The following FGF12 variants were observed in gnomAD, a reference collection of about 807,000 sequenced individuals.
The protein encoded by FGF12 is fibroblast growth factor 12B.
Under a neutral mutation model 23.6 loss-of-function variants are expected in FGF12, and 14 were observed. The observed-to-expected ratio is 0.59, with a 90% confidence interval of 0.39 to 0.93. FGF12 has a LOEUF of 0.93. FGF12 is among the 40% of genes least tolerant of loss of function. The probability of loss-of-function intolerance (pLI) is 0.00; values close to 1 mark genes in which losing one functional copy is unlikely to be tolerated. For synonymous variants in FGF12, 62 were observed against 77.3 expected (o/e 0.80, Z 1.04); for missense variants, 175 against 217.8 (o/e 0.80, Z 1.24).
chr3:192,452,094 G>T (rs906201405), intron 2 of FGF12, among the ~76,000 whole-genome samples: 1 of 152,090 alleles, frequency 6.6e-6, no homozygotes, highest in Non-Finnish European at 1.5e-5. Context: ...TAGCAGAAAA[G>T]CATCGATATT....
At chr3:192,430,801 T>A (rs999967311) in intron 2 of FGF12, among the ~76,000 whole-genome samples, 1 of 152,090 alleles carries the variant, frequency 6.6e-6, no homozygotes, top group African/African-American at 2.4e-5. Flanking sequence ...TGACCACAGG[T>A]AAGGAAAGAC....
intron 2 of FGF12, among the ~76,000 whole-genome samples, chr3:192,684,773 T>A (rs1327120968): frequency 6.6e-6 from 1 of 152,210 alleles, no homozygotes; most frequent in Non-Finnish European, 1.5e-5. Context: ...TTTTTCTTTA[T>A]CCATTCAATA....
At chr3:192,504,330 T>C (rs1156400198) in intron 2 of FGF12, among the ~76,000 whole-genome samples, 1 of 152,146 alleles carries the variant, frequency 6.6e-6, no homozygotes, top group East Asian at 1.9e-4. Flanking sequence ...CATGTACCCC[T>C]GAACCTAAAA....
chr3:192,372,420 C>CACACAG (rs1289572135), intron 2 of FGF12, among the ~76,000 whole-genome samples: 2 of 150,038 alleles, frequency 1.3e-5, no homozygotes, highest in African/African-American at 5.0e-5. Flanking sequence ...CACACACACA[C>CACACAG]AATGCTTTGC....
chr3:192,323,544 T>C (rs1336032312), intron 4 of FGF12, among the ~76,000 whole-genome samples: 1 of 152,116 alleles, frequency 6.6e-6, no homozygotes, highest in South Asian at 2.1e-4. Context: ...AGTAGAATGA[T>C]GCTTACCAGA....
intron 2 of FGF12, among the ~76,000 whole-genome samples, chr3:192,487,451 C>CACTAA (rs1453998709): frequency 6.6e-6 from 1 of 152,100 alleles, no homozygotes; most frequent in Non-Finnish European, 1.5e-5. Flanking sequence ...TCATCCAAGC[C>CACTAA]TAGTGCTTAG....
chr3:192,214,122 C>A (rs149201741), intron 4 of FGF12, among the ~76,000 whole-genome samples: 4 of 152,312 alleles, frequency 2.6e-5, no homozygotes, highest in African/African-American at 7.2e-5. Flanking sequence ...TCGACAGAGA[C>A]GGGAACTGTA....
At chr3:192,485,294 C>T (rs1723603106) in intron 2 of FGF12, among the ~76,000 whole-genome samples, 1 of 152,116 alleles carries the variant, frequency 6.6e-6, no homozygotes. Context: ...ATATGTTTCA[C>T]TCCAATAAAG....
chr3:192,674,387 T>G (rs1717246954), intron 2 of FGF12, among the ~76,000 whole-genome samples: 1 of 152,170 alleles, frequency 6.6e-6, no homozygotes, highest in Admixed American at 6.5e-5. Flanking sequence ...ACTTATTATA[T>G]TCAGTAAACT....
intron 2 of FGF12, among the ~76,000 whole-genome samples, chr3:192,518,185 T>A (rs1215589871): frequency 2.0e-5 from 3 of 152,186 alleles, no homozygotes; most frequent in Non-Finnish European, 4.4e-5. Flanking sequence ...TGGGATTTTT[T>A]AAAGTTAGCC....
intron 2 of FGF12, among the ~76,000 whole-genome samples, chr3:192,386,909 TTA>T (rs1356390678): frequency 9.8e-5 from 15 of 152,328 alleles, no homozygotes; most frequent in Non-Finnish European, 2.2e-4. Flanking sequence ...GCTAGTGCCT[TTA>T]TATACTTTAT....
chr3:192,614,950 C>T (rs1425783003), intron 2 of FGF12, among the ~76,000 whole-genome samples: 4 of 151,906 alleles, frequency 2.6e-5, no homozygotes, highest in African/African-American at 9.7e-5. Flanking sequence ...CATTATATCA[C>T]TCTCTAAGAA....
intron 4 of FGF12, among the ~76,000 whole-genome samples, chr3:192,213,253 G>C (rs1034013337): frequency 1.3e-5 from 2 of 152,140 alleles, no homozygotes; most frequent in African/African-American, 4.8e-5. Flanking sequence ...TTGGTTATCT[G>C]AAAGCGTCTC....
At chr3:192,607,367 G>T (rs1288305827) in intron 2 of FGF12, among the ~76,000 whole-genome samples, 2 of 152,160 alleles carry the variant, frequency 1.3e-5, no homozygotes, top group Non-Finnish European at 2.9e-5. Flanking sequence ...TTGAGGCCTG[G>T]CATAAGGAAG....
chr3:192,576,915 G>A (rs1299323415), intron 2 of FGF12, among the ~76,000 whole-genome samples: 3 of 152,292 alleles, frequency 2.0e-5, no homozygotes, highest in East Asian at 1.9e-4. Flanking sequence ...AGGGACAGGG[G>A]ATGAAGCTGG....
intron 2 of FGF12, among the ~76,000 whole-genome samples, chr3:192,583,343 T>C (rs1006024066): frequency 3.3e-5 from 5 of 152,246 alleles, no homozygotes; most frequent in Non-Finnish European, 5.9e-5. Context: ...CAAAATAGTT[T>C]ATACTTTTCA....
intron 4 of FGF12, among the ~76,000 whole-genome samples, chr3:192,288,255 T>A (rs1045142128): frequency 2.0e-5 from 3 of 152,016 alleles, no homozygotes; most frequent in Non-Finnish European, 4.4e-5. Flanking sequence ...GAAAAATAAA[T>A]TCACAGCAGG....
intron 4 of FGF12, among the ~76,000 whole-genome samples, chr3:192,269,118 T>C (rs990036394): frequency 1.3e-5 from 2 of 151,414 alleles, no homozygotes; most frequent in African/African-American, 4.9e-5. Flanking sequence ...TTTCACCATG[T>C]TGGCCAGGCT....
intron 2 of FGF12, among the ~76,000 whole-genome samples, chr3:192,584,253 C>A (rs1713280742): frequency 6.6e-6 from 1 of 152,094 alleles, no homozygotes. Context: ...TCTATACTTG[C>A]AAGTATGGAA....
Sources: allele counts gnomAD v4.1 joint callset (sites outside exome capture counted in the v4.1 genomes callset), GRCh38; gene constraint gnomAD v4.1.1; transcripts MANE v1.5; gene names NCBI Gene and HGNC (gene_info 2026-07-23, HGNC 2026-07-21).